Variants in THSD7B observed in about 807,000 individuals in gnomAD.
THSD7B encodes the protein thrombospondin type-1 domain-containing protein 7B.
In THSD7B, 138 loss-of-function variants were observed where a neutral mutation model predicts 213.6. The ratio of observed to expected loss-of-function variants is 0.65; its 90% confidence interval spans 0.56 to 0.74. The LOEUF is 0.74. THSD7B is among the 30% of genes least tolerant of loss of function. THSD7B has a pLI of 0.00. For synonymous variants in THSD7B, 742 were observed against 687.0 expected, an observed-to-expected ratio of 1.08 and a Z score of -1.25; for missense variants, 1,931 against 1,991.5, an observed-to-expected ratio of 0.97 and a Z score of 0.58.
chr2:137,602,470 A>G (rs1398277601), intron 17 of THSD7B, among the ~76,000 whole-genome samples: 4 of 151,932 alleles, frequency 2.6e-5, no homozygotes, highest in Non-Finnish European at 5.9e-5. Flanking sequence ...GGGTTTCACC[A>G]TGCTGGCCAG....
intron 1 of THSD7B, among the ~76,000 whole-genome samples, chr2:136,879,871 G>A (rs975339553): frequency 2.6e-5 from 4 of 152,074 alleles, no homozygotes; most frequent in Non-Finnish European, 2.9e-5. Flanking sequence ...GACAAAGAAG[G>A]CCATTACATA....
chr2:137,060,890 T>A (rs1687257199), intron 3 of THSD7B, among the ~76,000 whole-genome samples: 1 of 151,918 alleles, frequency 6.6e-6, no homozygotes, highest in Non-Finnish European at 1.5e-5. Flanking sequence ...ACAAAATAAC[T>A]TCCAAGATTT....
intron 12 of THSD7B, among the ~76,000 whole-genome samples, chr2:137,332,882 CTG>C (rs1684548062): frequency 6.6e-6 from 1 of 152,192 alleles, no homozygotes; most frequent in Non-Finnish European, 1.5e-5. Flanking sequence ...CTATGCTGAA[CTG>C]TGAGTCAATT....
chr2:137,046,817 G>A (rs1013362103), intron 2 of THSD7B, among the ~76,000 whole-genome samples: 3 of 151,682 alleles, frequency 2.0e-5, no homozygotes, highest in African/African-American at 4.8e-5. Context: ...TGGGGGAACC[G>A]AAAGGTGGCC....
intron 14 of THSD7B, among the ~76,000 whole-genome samples, chr2:137,446,085 G>A (rs1163417799): frequency 6.6e-6 from 1 of 151,784 alleles, no homozygotes; most frequent in African/African-American, 2.4e-5. Context: ...AGTGTCAGTA[G>A]ATAGAACATA....
At chr2:137,322,560 A>C (rs528039528) in intron 12 of THSD7B, among the ~76,000 whole-genome samples, 1 of 152,328 alleles carries the variant, frequency 6.6e-6, no homozygotes, top group South Asian at 2.1e-4. Context: ...AAGCTCATCT[A>C]TCAAGACAGT....
chr2:137,170,789 C>A lies in THSD7B; in HGVS notation c.1574C>A (p.Ala525Glu). ...GTCCTCATGGAATCTACAGGGCCTG[C>A]AGGGCATTGCCCTCATTTGGTGGAG... ...RHVLMESTGPAGHCPHLVESV... is the reference protein window; with the variant it reads ...RHVLMESTGPEGHCPHLVESV... Residue 525 changes from alanine (A) to glutamate (E), a missense_variant, in exon 7 of 28, where the codon GCA (alanine) becomes GAA (glutamate). By Grantham distance (107) the Ala-to-Glu change is moderately radical. Transcript: ENST00000409968. 4.3e-6 allele frequency: 7 copies of A among 1,613,682 alleles called. No homozygotes were observed. The highest frequency in any genetic ancestry group is 5.9e-6 in the Non-Finnish European group (7 of 1,179,730).
intron 2 of THSD7B, among the ~76,000 whole-genome samples, chr2:136,886,498 C>T (rs1378013532): frequency 2.0e-5 from 3 of 152,104 alleles, no homozygotes; most frequent in Non-Finnish European, 2.9e-5. Context: ...GTGATTTTGC[C>T]GTGCTGGGGA....
Position 136,882,304 on chromosome 2 carries a change from C to A in THSD7B, c.126C>A (p.Phe42Leu). Residue 42 changes from phenylalanine (F) to leucine (L), a missense_variant, in exon 2 of 28, where the codon TTC becomes TTA. Coordinates refer to ENST00000409968, the MANE Select transcript of THSD7B (RefSeq NM_001316349.2). ...AHLEGKKDNQ[F>L]IWKPGPWGRC... The stretch of plus-strand genomic sequence containing the variant: ...TGGAAGGCAAAAAGGATAATCAGTT[C>A]ATCTGGAAACCAGGTAGGAATGTCC... 6.5e-7 allele frequency: 1 copy of A among 1,534,022 alleles called. No homozygotes were observed. Among genetic ancestry groups the A allele is most frequent in the African/African-American group, 1.4e-5 (1 of 72,024 alleles).
chr2:137,619,339 A>T (rs1682470108), intron 19 of THSD7B, among the ~76,000 whole-genome samples: 1 of 152,218 alleles, frequency 6.6e-6, no homozygotes, highest in Admixed American at 6.5e-5. Context: ...GTGGGAATTA[A>T]AACAAAACAA....
intron 2 of THSD7B, among the ~76,000 whole-genome samples, chr2:136,981,906 G>A (rs907629185): frequency 5.9e-5 from 9 of 152,288 alleles, no homozygotes; most frequent in African/African-American, 1.7e-4. Context: ...TGTCCAGCAC[G>A]TGTCCAGTGT....
Position 137,272,515 on chromosome 2 carries a change from C to T in THSD7B, c.2267-18C>T. On this transcript the variant is annotated intron_variant, in intron 10 of 27. Transcript: ENST00000409968. ...ACATAAAAGGGCACTATATAATTTT[C>T]TTTTTCCTTTACTTCAGGAAATGCC... 1.9e-6 allele frequency: 3 copies of T among 1,589,020 alleles called. No individual in the cohort carries two copies. The highest frequency in any genetic ancestry group is 2.6e-6 in the Non-Finnish European group (3 of 1,172,382).
intron 2 of THSD7B, among the ~76,000 whole-genome samples, chr2:136,966,250 G>A (rs1685311616): frequency 6.6e-6 from 1 of 150,720 alleles, no homozygotes; most frequent in Non-Finnish European, 1.5e-5. Context: ...CAGGGTTTCA[G>A]TCTGTTGCCC....
intron 15 of THSD7B, among the ~76,000 whole-genome samples, chr2:137,555,194 A>G (rs1398167093): frequency 6.6e-6 from 1 of 152,184 alleles, no homozygotes; most frequent in African/African-American, 2.4e-5. Flanking sequence ...TGAAGAGAGT[A>G]GTGGTTCTCC....
intron 7 of THSD7B, among the ~76,000 whole-genome samples, chr2:137,214,147 A>G (rs1681180721): frequency 6.6e-6 from 1 of 152,110 alleles, no homozygotes; most frequent in Non-Finnish European, 1.5e-5. Flanking sequence ...TTTTGTGTTA[A>G]TGGCAGTGTA....
At chr2:137,612,171 GT>G (rs1298592263) in intron 17 of THSD7B, among the ~76,000 whole-genome samples, 1 of 152,154 alleles carries the variant, frequency 6.6e-6, no homozygotes, top group African/African-American at 2.4e-5. Context: ...CATGTACAGT[GT>G]ACTAGTTATA....
intron 12 of THSD7B, among the ~76,000 whole-genome samples, chr2:137,282,420 C>T (rs925231222): frequency 2.0e-5 from 3 of 152,142 alleles, no homozygotes; most frequent in South Asian, 2.1e-4. Flanking sequence ...TAGATCCCAT[C>T]TGTCAATGTT....
intron 17 of THSD7B, among the ~76,000 whole-genome samples, chr2:137,600,056 CA>C (rs1416193087): frequency 2.0e-5 from 3 of 152,248 alleles, no homozygotes; most frequent in Non-Finnish European, 4.4e-5. Flanking sequence ...TCTTCTTCAT[CA>C]TCTCTCCCTT....
chr2:137,394,105 G>A (rs1450006717), intron 12 of THSD7B, among the ~76,000 whole-genome samples: 4 of 122,764 alleles, frequency 3.3e-5, no homozygotes, highest in Non-Finnish European at 7.1e-5. Context: ...CTCCCATTTT[G>A]TAGGTTGCCT....
Sources: allele counts gnomAD v4.1 joint callset (sites outside exome capture counted in the v4.1 genomes callset), GRCh38; gene constraint gnomAD v4.1.1; transcripts MANE v1.5; gene names NCBI Gene and HGNC (gene_info 2026-07-23, HGNC 2026-07-21).